MYH9: variants seen among roughly 807,000 people sequenced by gnomAD.
MYH9 encodes myosin heavy chain 9.
A neutral mutation model predicts 241.9 loss-of-function variants in MYH9; 29 were observed. The ratio of observed to expected loss-of-function variants is 0.12; its 90% confidence interval spans 0.09 to 0.16. The LOEUF (loss-of-function observed/expected upper bound fraction) is 0.16, where lower values mean the gene tolerates loss of function less well. MYH9 is among the 10% of genes least tolerant of loss of function. The pLI, the probability that MYH9 is intolerant of heterozygous loss-of-function variation, is 1.00. For synonymous variants in MYH9, 1,047 were observed against 1,062.6 expected (o/e 0.99, Z 0.29); for missense variants, 1,803 against 2,595.5 (o/e 0.69, Z 6.63).
At chr22:36,387,055 C>T (rs992200500) in intron 1 of MYH9, among the ~76,000 whole-genome samples, 3 of 152,222 alleles carry the variant, frequency 2.0e-5, no homozygotes, top group Admixed American at 6.5e-5. Flanking sequence ...CTCCCTCCCC[C>T]GAGGATCAGA....
intron 19 of MYH9, 88 bp from the exon 20 acceptor site, chr22:36,302,764 G>T: frequency 1.7e-6 from 2 of 1,176,626 alleles, no homozygotes; most frequent in African/African-American, 1.5e-5. Context: ...CTTTTCTGGG[G>T]GTCTACCCTT....
intron 2 of MYH9, among the ~76,000 whole-genome samples, chr22:36,342,451 G>A (rs1384737834): frequency 6.6e-6 from 1 of 152,132 alleles, no homozygotes; most frequent in Non-Finnish European, 1.5e-5. Flanking sequence ...GGGTAGGCGA[G>A]GAGAACCATT....
At chr22:36,311,249 C>A (rs2017059033) in intron 14 of MYH9, among the ~76,000 whole-genome samples, 1 of 152,218 alleles carries the variant, frequency 6.6e-6, no homozygotes. Flanking sequence ...AAGCCCCAGT[C>A]ACATGCAGAC....
In MYH9 at chr22:36,300,076, C is replaced by A. The variant is rs1259983489; in HGVS notation, c.2976+51G>T. 16 of 1,603,138 alleles carry A rather than the reference C, an allele frequency of 1.0e-5. No homozygotes were observed. Among genetic ancestry groups the A allele is most frequent in the Non-Finnish European group, 1.3e-5 (15 of 1,179,788 alleles). ...GGCCCTGCAAGGGTGACCACACTCT[C>A]CCATCCACGGCGCCCCTGGAGCAGC... On this transcript the variant is annotated intron_variant, in intron 23 of 40. Coordinates refer to ENST00000216181, the MANE Select transcript of MYH9 (RefSeq NM_002473.6). The surrounding 1 kb of genome is among the most constrained non-coding windows in gnomAD (Gnocchi z 5.0).
chr22:36,297,626 C>T (rs9622373), intron 24 of MYH9, among the ~76,000 whole-genome samples: 2,482 of 152,268 alleles, frequency 0.016, 67 homozygotes, highest in African/African-American at 0.055. Flanking sequence ...AGATGTAGCC[C>T]GTGAAGTTTC....
At chr22:36,371,922 T>C (rs1322849122) in intron 1 of MYH9, among the ~76,000 whole-genome samples, 3 of 152,032 alleles carry the variant, frequency 2.0e-5, no homozygotes, top group South Asian at 2.1e-4. Context: ...CTAGTAAGTA[T>C]GTTTGATTAT....
intron 1 of MYH9, among the ~76,000 whole-genome samples, chr22:36,379,273 C>T (rs544096918): frequency 1.3e-5 from 2 of 152,060 alleles, no homozygotes; most frequent in East Asian, 1.9e-4. Flanking sequence ...TTCGGGAGGC[C>T]GAGGCGGGTG....
At chr22:36,314,418 C>A (rs2017117017) in intron 12 of MYH9, 100 bp from the exon 13 acceptor site, 5 of 1,431,178 alleles carry the variant, frequency 3.5e-6, no homozygotes, top group Non-Finnish European at 4.8e-6. Flanking sequence ...ACAGGAAGGG[C>A]CTCCTTGGGC....
chr22:36,375,955 C>CTTTTTTTTTTTTTTTT (rs751350180), intron 1 of MYH9, among the ~76,000 whole-genome samples: 1 of 89,092 alleles, frequency 1.1e-5, no homozygotes, highest in African/African-American at 4.2e-5. Context: ...TCAATAATTT[C>CTTTTTTTTTTTTTTTT]TTTTTTTTTT....
At chr22:36,307,284 A>G (rs957814099) in intron 15 of MYH9, among the ~76,000 whole-genome samples, 9 of 152,144 alleles carry the variant, frequency 5.9e-5, no homozygotes, top group African/African-American at 2.2e-4. Flanking sequence ...ATGTAAACCG[A>G]CCCTCAAGGG....
At chr22:36,308,643 C>T (rs371132418) in intron 15 of MYH9, among the ~76,000 whole-genome samples, 5 of 151,972 alleles carry the variant, frequency 3.3e-5, no homozygotes, top group African/African-American at 1.2e-4. Context: ...AGGCACAGTG[C>T]GGGGAACCTG....
At chr22:36,318,925 G>A (rs763937852) in intron 10 of MYH9, among the ~76,000 whole-genome samples, 6 of 152,090 alleles carry the variant, frequency 3.9e-5, no homozygotes, top group Non-Finnish European at 5.9e-5. Flanking sequence ...CACCATGCCC[G>A]GCTAATTTTT....
intron 1 of MYH9, among the ~76,000 whole-genome samples, chr22:36,385,781 T>C (rs2018342242): frequency 6.6e-6 from 1 of 152,168 alleles, no homozygotes; most frequent in South Asian, 2.1e-4. Context: ...CACCCCACAG[T>C]CATCCAGAGC....
intron 7 of MYH9, 22 bp downstream of exon 7, chr22:36,321,736 T>A: frequency 6.2e-7 from 1 of 1,611,248 alleles, no homozygotes; most frequent in Non-Finnish European, 8.5e-7. Context: ...AGGACTCTTA[T>A]CCCAACGAAC....
intron 38 of MYH9, 121 bp downstream of exon 38, chr22:36,285,000 G>T: frequency 1.1e-6 from 1 of 945,260 alleles, no homozygotes; most frequent in Non-Finnish European, 1.6e-6. Context: ...TCAGGAGGGA[G>T]GGAAACAGCC....
chr22:36,312,597 C>A (rs1274360831), intron 13 of MYH9, among the ~76,000 whole-genome samples: 2 of 152,160 alleles, frequency 1.3e-5, no homozygotes, highest in African/African-American at 2.4e-5. Flanking sequence ...GAGATGCCAA[C>A]CCACATGCTT....
intron 35 of MYH9, 101 bp from the exon 36 acceptor site, chr22:36,286,054 C>T: frequency 7.8e-7 from 1 of 1,278,766 alleles, no homozygotes; most frequent in Admixed American, 1.9e-5. Flanking sequence ...TCCCCAGGCC[C>T]ACCTCCCCAC....
rs551276432 is a variant in MYH9 at position 36,315,447 on chromosome 22, G to A, written c.1380+1070C>T. On this transcript the variant is annotated intron_variant, in intron 12 of 40. Coordinates refer to ENST00000216181, the MANE Select transcript of MYH9 (RefSeq NM_002473.6). ...GACCTCAAAGTTGTCATGGGCAAGG[G>A]AGATGTCTTATCCCGATGCTCAGGG... 3.7e-4 allele frequency among the ~76,000 whole-genome samples: 56 copies of A among 152,226 alleles called. 1 individual carries two copies. The highest frequency in any genetic ancestry group is 4.1e-4 in the South Asian group (2 of 4,828).
intron 18 of MYH9, among the ~76,000 whole-genome samples, chr22:36,304,823 A>G (rs1231587523): frequency 6.6e-6 from 1 of 152,246 alleles, no homozygotes; most frequent in African/African-American, 2.4e-5. Context: ...TCTCCTCCAC[A>G]CAACCCTGGT....
Sources: gnomAD v4.1 joint callset for allele counts (sites outside exome capture counted in the v4.1 genomes callset) on GRCh38, gnomAD v4.1.1 for gene constraint, Gnocchi (gnomAD v3.1) non-coding constraint, MANE v1.5 for transcripts, NCBI Gene and HGNC (gene_info 2026-07-23, HGNC 2026-07-21) for gene names.